Variants in VTA1 observed in about 807,000 individuals in gnomAD.
VTA1 encodes vacuolar protein sorting-associated protein VTA1 homolog.
VTA1 carries 24 observed loss-of-function variants against 36.9 expected under a neutral mutation model. The ratio of observed to expected loss-of-function variants is 0.65; its 90% CI spans 0.47 to 0.91. The LOEUF (loss-of-function observed/expected upper bound fraction) is 0.91. Ranked by LOEUF, VTA1 falls within the 40% of genes least tolerant of loss-of-function variation. VTA1 has a pLI of 0.00. For synonymous variants in VTA1, 142 were observed against 130.2 expected (o/e 1.09, Z -0.62); for missense variants, 393 against 377.2 (o/e 1.04, Z -0.35).
At chr6:142,179,359 C>G (rs1394063901) in intron 4 of VTA1, among the ~76,000 whole-genome samples, 3 of 151,718 alleles carry the variant, frequency 2.0e-5, no homozygotes, top group Non-Finnish European at 2.9e-5. Context: ...CCCAGCAATT[C>G]CTATTCTGGT....
In VTA1 at chr6:142,158,373, G is replaced by C. The variant is rs113730040; in HGVS notation, c.113-7855G>C. On this transcript the variant is annotated intron_variant, in intron 1 of 7. Transcript: ENST00000367630. Reference sequence around the variant, plus strand: ...GGCCTGCATGACCTTATGAGTTTCAGGTTTTTTATTAACATACTCAGGATA... The same window carrying C: ...GGCCTGCATGACCTTATGAGTTTCACGTTTTTTATTAACATACTCAGGATA... Among the ~76,000 whole-genome samples the C allele has an allele frequency of 7.0e-3, 1,065 of 152,042 alleles. 15 individuals are homozygous for C. Among genetic ancestry groups the C allele is most frequent in the African/African-American group, 0.024 (1,015 of 41,460 alleles).
At chr6:142,151,760 A>G (rs973213565) in intron 1 of VTA1, among the ~76,000 whole-genome samples, 6 of 152,246 alleles carry the variant, frequency 3.9e-5, no homozygotes, top group African/African-American at 1.4e-4. Flanking sequence ...TTGGCCGAGC[A>G]CGGTGGCTCA....
chr6:142,221,131 TCTC>T lies in VTA1; in HGVS notation c.*2492_*2494del, dbSNP rs1776102034. The T allele has an allele frequency of 6.6e-6, 1 of 152,090 alleles. No homozygotes were observed. The highest frequency in any genetic ancestry group is 2.4e-5 in the African/African-American group (1 of 41,406). 9.4% of individuals were successfully genotyped at this position (152,090 alleles called of 1,614,324 possible). ...ATATTGCAAGTCTGAGAAAAGAGAT[TCTC>T]CTCAAACCGGTTCTCAAAGGTGTCT... On this transcript the variant is annotated 3_prime_UTR_variant, in exon 8 of 8. Coordinates refer to ENST00000367630, the MANE Select transcript of VTA1 (RefSeq NM_016485.5).
chr6:142,196,185 C>T (rs1775548992), intron 5 of VTA1, among the ~76,000 whole-genome samples: 4 of 152,080 alleles, frequency 2.6e-5, no homozygotes, highest in African/African-American at 9.7e-5. Flanking sequence ...TTCCTGGTTA[C>T]GAATTCTATT....
In VTA1 at chr6:142,222,820, T is replaced by A. The variant is rs1776135798; in HGVS notation, c.*4177T>A. 1 of 152,244 alleles carries A rather than the reference T, an allele frequency of 6.6e-6. No homozygotes were observed. The highest frequency in any genetic ancestry group is 2.4e-5 in the African/African-American group (1 of 41,466). 9.4% of individuals were successfully genotyped at this position (152,244 alleles called of 1,614,324 possible). A position where few individuals can be genotyped will look rare whatever the true frequency, so the allele number is the denominator to read the frequency against. On this transcript the variant is annotated 3_prime_UTR_variant, in exon 8 of 8. Transcript: ENST00000367630. ...TCATAATAGCTAACATTTCAATGTT[T>A]ACTAAATGTCAGATACTATTCTAAG...
intron 4 of VTA1, among the ~76,000 whole-genome samples, chr6:142,173,913 A>G (rs1775071118): frequency 6.6e-6 from 1 of 152,200 alleles, no homozygotes; most frequent in African/African-American, 2.4e-5. Context: ...GGGTTACTAA[A>G]GAGTAAGGGT....
At chr6:142,166,761 A>G (rs1051836462) in intron 2 of VTA1, among the ~76,000 whole-genome samples, 3 of 152,124 alleles carry the variant, frequency 2.0e-5, no homozygotes, top group Non-Finnish European at 4.4e-5. Flanking sequence ...AGCTAGGACT[A>G]CAGGCACACG....
intron 4 of VTA1, among the ~76,000 whole-genome samples, chr6:142,175,218 C>T (rs1171831609): frequency 6.6e-6 from 1 of 152,050 alleles, no homozygotes; most frequent in Non-Finnish European, 1.5e-5. Flanking sequence ...TTTTTCCCTG[C>T]AGTTCGTTCT....
chr6:142,199,975 A>G (rs552027658), intron 6 of VTA1, among the ~76,000 whole-genome samples: 2 of 152,252 alleles, frequency 1.3e-5, no homozygotes, highest in Non-Finnish European at 2.9e-5. Context: ...TTTGCCTTAG[A>G]TGAATACTGT....
chr6:142,155,614 T>G (rs1477567310), intron 1 of VTA1, among the ~76,000 whole-genome samples: 1 of 152,188 alleles, frequency 6.6e-6, no homozygotes, highest in Non-Finnish European at 1.5e-5. Flanking sequence ...ATTTGAGTTC[T>G]GAATCACCTT....
intron 1 of VTA1, among the ~76,000 whole-genome samples, chr6:142,150,996 G>A (rs1344022245): frequency 6.6e-6 from 1 of 152,052 alleles, no homozygotes; most frequent in East Asian, 1.9e-4. Flanking sequence ...TTGTATAAGG[G>A]GGATGCAGGG....
chr6:142,214,141 G>C (rs761250922), intron 7 of VTA1, among the ~76,000 whole-genome samples: 1 of 152,128 alleles, frequency 6.6e-6, no homozygotes, highest in Non-Finnish European at 1.5e-5. Context: ...GTCAACTCTT[G>C]AATGCTTTGC....
chr6:142,195,993 A>T (rs1036806423), intron 5 of VTA1, among the ~76,000 whole-genome samples: 5 of 152,142 alleles, frequency 3.3e-5, no homozygotes, highest in African/African-American at 1.2e-4. Context: ...AAAAGAATGT[A>T]TTCTGCAGTT....
chr6:142,187,912 CTT>C (rs58131768), intron 4 of VTA1, among the ~76,000 whole-genome samples: 27 of 120,680 alleles, frequency 2.2e-4, no homozygotes, highest in African/African-American at 2.8e-4. Context: ...TACTTTCTTT[CTT>C]TTTTTTTTTT....
intron 1 of VTA1, among the ~76,000 whole-genome samples, chr6:142,149,484 A>G (rs1029707248): frequency 6.6e-6 from 1 of 152,134 alleles, no homozygotes; most frequent in African/African-American, 2.4e-5. Flanking sequence ...CAATTCTCTG[A>G]GTCTTAATGA....
intron 7 of VTA1, among the ~76,000 whole-genome samples, chr6:142,216,672 A>G (rs1451348346): frequency 6.6e-6 from 1 of 152,206 alleles, no homozygotes; most frequent in Non-Finnish European, 1.5e-5. Flanking sequence ...GTGTTTTAAA[A>G]TAATTTAATC....
intron 4 of VTA1, among the ~76,000 whole-genome samples, chr6:142,185,668 G>A (rs1775325264): frequency 6.6e-6 from 1 of 152,174 alleles, no homozygotes; most frequent in Admixed American, 6.6e-5. Context: ...AATGAAAAAG[G>A]AAGAAAAAGG....
At chr6:142,181,028 A>G (rs1173552624) in intron 4 of VTA1, among the ~76,000 whole-genome samples, 2 of 145,514 alleles carry the variant, frequency 1.4e-5, no homozygotes, top group African/African-American at 2.5e-5. Flanking sequence ...GGAAAGTGCA[A>G]TGAAAGGGTA....
chr6:142,198,119 A>ATGTG (rs71021658), intron 5 of VTA1, among the ~76,000 whole-genome samples: 4,383 of 98,086 alleles, frequency 0.045, 101 homozygotes, highest in East Asian at 0.078. Flanking sequence ...ATATATATAT[A>ATGTG]TGTGTGTGTG....
Sources: allele counts gnomAD v4.1 joint callset (sites outside exome capture counted in the v4.1 genomes callset), GRCh38; gene constraint gnomAD v4.1.1; transcripts MANE v1.5; gene names NCBI Gene and HGNC (gene_info 2026-07-23, HGNC 2026-07-21).